Variants in EPHB4 observed in about 807,000 individuals in gnomAD.
EPHB4 encodes the protein EPH receptor B4.
A neutral mutation model predicts 110.6 loss-of-function variants in EPHB4; 50 were observed. The observed-to-expected ratio is 0.45, with a 90% CI of 0.36 to 0.57. The LOEUF (loss-of-function observed/expected upper bound fraction) is 0.57, where lower values mean the gene tolerates loss of function less well. Ranked by LOEUF, EPHB4 falls within the 20% of genes least tolerant of loss-of-function variation. The pLI is 0.00. For synonymous variants in EPHB4, 592 were observed against 578.4 expected (o/e 1.02, Z -0.34); for missense variants, 1,128 against 1,382.1 (o/e 0.82, Z 2.91).
At chr7:100,824,323 T>C (rs774831543) in intron 1 of EPHB4, 50 bp from the exon 2 acceptor site, 2 of 1,593,062 alleles carry the variant, frequency 1.3e-6, no homozygotes, top group Admixed American at 1.7e-5. Flanking sequence ...GGGAGGGAGG[T>C]CAGGAAGACC....
chr7:100,821,846 A>G (rs1813242677), intron 4 of EPHB4, among the ~76,000 whole-genome samples: 1 of 151,624 alleles, frequency 6.6e-6, no homozygotes, highest in African/African-American at 2.4e-5. Flanking sequence ...AAATTAATGA[A>G]TTTCAGGTGA....
intron 1 of EPHB4, chr7:100,826,737 C>A (rs1813408426): frequency 2.3e-6 from 1 of 431,756 alleles, no homozygotes; most frequent in East Asian, 3.5e-5. Context: ...GGAGCCCGGG[C>A]AGGGGAATGT....
intron 7 of EPHB4, 76 bp from the exon 8 acceptor site, chr7:100,817,433 G>A (rs1584661622): frequency 3.4e-6 from 5 of 1,456,752 alleles, no homozygotes; most frequent in Admixed American, 2.6e-5. Context: ...TCCTTCCCTC[G>A]CCCTCCACTC....
At position 100,803,373 on chromosome 7, in the gene EPHB4, G is replaced by A. The variant is rs1812739649; in HGVS notation, c.*88C>T. 1.6e-5 allele frequency: 22 copies of A among 1,341,524 alleles called. No homozygotes were observed. Among genetic ancestry groups the A allele is most frequent in the Middle Eastern group, 2.7e-4 (1 of 3,682 alleles). 83.1% of individuals were successfully genotyped at this position (1,341,524 alleles called of 1,614,324 possible). On this transcript the variant is annotated 3_prime_UTR_variant, in exon 17 of 17. Coordinates refer to ENST00000358173, the MANE Select transcript of EPHB4 (RefSeq NM_004444.5). Reference sequence around the variant, plus strand: ...CCACGGGCTCAAAGTGCAATCCAGCGGGGCACAGGGCTGGGGGCCTCTGTG... The same window carrying A: ...CCACGGGCTCAAAGTGCAATCCAGCAGGGCACAGGGCTGGGGGCCTCTGTG...
chr7:100,811,688 TC>T (rs371535822), intron 12 of EPHB4, among the ~76,000 whole-genome samples: 5 of 151,136 alleles, frequency 3.3e-5, no homozygotes, highest in Admixed American at 1.3e-4. Flanking sequence ...GGGCAACCTA[TC>T]GAGATCCTGT....
intron 2 of EPHB4, 25 bp downstream of exon 2, chr7:100,824,178 T>G: frequency 1.9e-6 from 3 of 1,614,020 alleles, no homozygotes; most frequent in Non-Finnish European, 2.5e-6. Flanking sequence ...CCTCCAGAGC[T>G]CCAGCTCCTG....
At chr7:100,826,479 G>A (rs781415838) in intron 1 of EPHB4, among the ~76,000 whole-genome samples, 66 of 152,192 alleles carry the variant, frequency 4.3e-4, no homozygotes, top group Admixed American at 2.4e-3. Flanking sequence ...TGCAAAGGAG[G>A]CCATCCTGTT....
chr7:100,813,795 G>C, intron 9 of EPHB4, 79 bp from the exon 10 acceptor site: 1 of 1,607,640 alleles, frequency 6.2e-7, no homozygotes, highest in South Asian at 1.1e-5. Context: ...GGAAGGAGCA[G>C]GGATTGGAGA....
Position 100,805,481 on chromosome 7 carries a change from C to T in EPHB4, c.2678+20G>A, listed in dbSNP as rs754980362. 1 of 1,527,608 alleles carries T rather than the reference C, an allele frequency of 6.5e-7. No homozygotes were observed. Among genetic ancestry groups the T allele is most frequent in the Non-Finnish European group, 8.8e-7 (1 of 1,137,776 alleles). 94.6% of individuals were successfully genotyped at this position (1,527,608 alleles called of 1,614,324 possible). A position where few individuals can be genotyped will look rare whatever the true frequency, so the allele number is the denominator to read the frequency against. On this transcript the variant is annotated intron_variant, in intron 15 of 16. Transcript: ENST00000358173. ...GGGGGCAGAGAGCGGGAAGGAGGGC[C>T]CATTCTCTGCAGTCCTCACCCGCCA...
Position 100,812,760 on chromosome 7 carries a change from T to G in EPHB4, c.2105A>C (p.Asp702Ala). 6.2e-7 allele frequency: 1 copy of G among 1,613,172 alleles called. No homozygotes were observed. Among genetic ancestry groups the G allele is most frequent in the Non-Finnish European group, 8.5e-7 (1 of 1,179,916 alleles). The change falls in exon 12 of 17, where the codon GAC (aspartate) becomes GCC (alanine). Residue 702 changes from aspartate to alanine, a missense_variant. This residue lies in a region of EPHB4 where 191 missense variants were observed against 313.0 expected (regional missense o/e 0.61). Transcript: ENST00000358173. ...LTEFMENGAL[D>A]SFLRLNDGQF... ...GAGGGTGCTCACCCGCAGGAAGGAG[T>G]CCAGGGCGCCGTTCTCCATGAACTC...
In EPHB4 at chr7:100,827,086, C is replaced by T. The variant is rs961958871; in HGVS notation, c.-56G>A. The T allele has an allele frequency of 6.5e-7, 1 of 1,537,032 alleles. No individual in the cohort carries two copies. The highest frequency in any genetic ancestry group is 1.4e-5 in the African/African-American group (1 of 72,694). On this transcript the variant is annotated 5_prime_UTR_variant, in exon 1 of 17. Transcript: ENST00000358173. ...TGAGTTTGGGGGGCCCTCGCCCCCC[C>T]AGGTCTGACTCTCCCTGGGCGGGTG...
In EPHB4 at chr7:100,803,527, C is replaced by T; in HGVS notation, c.2898G>A (p.Gln966=). Residue 966 remains glutamine, a synonymous_variant, in exon 17 of 17, where the codon CAG becomes CAA. Transcript: ENST00000358173. ...GHQKKILASV[Q]HMKSQAKPGT... Reference sequence around the variant, plus strand: ...CCGGCTTGGCCTGGGACTTCATGTGCTGGACACTGGCCAAGATTTTCTTCT... The same window carrying T: ...CCGGCTTGGCCTGGGACTTCATGTGTTGGACACTGGCCAAGATTTTCTTCT... 6.3e-7 allele frequency: 1 copy of T among 1,599,594 alleles called. No individual in the cohort carries two copies. The highest frequency in any genetic ancestry group is 1.1e-5 in the South Asian group (1 of 88,136).
In EPHB4 at chr7:100,823,680, G is replaced by A. The variant is rs1242231453; in HGVS notation, c.375C>T (p.Ala125=). The A allele has an allele frequency of 3.7e-6, 6 of 1,613,398 alleles. No individual in the cohort carries two copies. The South Asian group carries it at 4.4e-5, about 12-fold the overall frequency. Residue 125 remains alanine, a synonymous_variant, in exon 3 of 17, where the codon GCC becomes GCT. Transcript: ENST00000358173. ...GGTTCTCCATCCAGGCTGGCGTGAG[G>A]GCCGTGGCCGTGTCCGCATCGCTCT... ...YYESDADTAT[A]LTPAWMENPY...
At chr7:100,825,152 C>CGTGTT in intron 1 of EPHB4, 2 of 152,060 alleles carry the variant, frequency 1.3e-5, no homozygotes, top group African/African-American at 4.8e-5. Context: ...AGCCAGAACA[C>CGTGTT]CTGGCTCCCA....
At position 100,817,367 on chromosome 7, in the gene EPHB4, A is replaced by G; in HGVS notation, c.1423-10T>C. 2 of 1,554,098 alleles carry G rather than the reference A, an allele frequency of 1.3e-6. No individual in the cohort carries two copies. The highest frequency in any genetic ancestry group is 1.7e-6 in the Non-Finnish European group (2 of 1,153,024). On this transcript the variant is annotated splice_polypyrimidine_tract_variant and intron_variant, in intron 7 of 16. Transcript: ENST00000358173. ...TGGGACCCTCGGCGCCCTGTCCGGGAGAGGTAGTGGGGTGGCCGTCACCCG... is the reference window on the plus strand; with the variant it reads ...TGGGACCCTCGGCGCCCTGTCCGGGGGAGGTAGTGGGGTGGCCGTCACCCG...
intron 14 of EPHB4, chr7:100,806,086 G>A (rs186002998): frequency 1.2e-5 from 3 of 260,528 alleles, no homozygotes; most frequent in Middle Eastern, 1.2e-3. Context: ...AGCCTCCTGA[G>A]TAGCTGGGAT....
chr7:100,803,722 T>C (rs1412215213), intron 16 of EPHB4, 132 bp from the exon 17 acceptor site: 5 of 1,196,460 alleles, frequency 4.2e-6, no homozygotes, highest in Admixed American at 3.1e-5. Context: ...GGAGAACAGA[T>C]GTCAACAGTT....
Position 100,803,298 on chromosome 7 carries a change from T to C in EPHB4, c.*163A>G. 2.3e-6 allele frequency: 2 copies of C among 879,398 alleles called. No homozygotes were observed. The highest frequency in any genetic ancestry group is 3.1e-6 in the Non-Finnish European group (2 of 637,212). 54.5% of individuals were successfully genotyped at this position (879,398 alleles called of 1,614,324 possible). On this transcript the variant is annotated 3_prime_UTR_variant, in exon 17 of 17. Transcript: ENST00000358173. The stretch of plus-strand genomic sequence containing the variant: ...GCTGGGGGGTGATTTTCCCCTCCTA[T>C]TATGGCAGAACCCCCAAATCCTGTC...
intron 16 of EPHB4, among the ~76,000 whole-genome samples, chr7:100,804,119 C>T (rs1189284696): frequency 6.6e-6 from 1 of 152,110 alleles, no homozygotes; most frequent in Non-Finnish European, 1.5e-5. Context: ...GCTCTAGCCT[C>T]CTGAGTAGCT....
Sources: allele counts gnomAD v4.1 joint callset (sites outside exome capture counted in the v4.1 genomes callset), GRCh38; gene constraint gnomAD v4.1.1; regional missense constraint gnomAD v4.1.1; transcripts MANE v1.5; gene names NCBI Gene and HGNC (gene_info 2026-07-23, HGNC 2026-07-21).